HIVEP1: variants seen among roughly 807,000 people sequenced by gnomAD.
HIVEP1 encodes HIVEP zinc finger 1.
Under a neutral mutation model 180.0 loss-of-function variants are expected in HIVEP1, and 36 were observed. The observed-to-expected ratio is 0.20, with a 90% confidence interval of 0.15 to 0.26. The LOEUF (loss-of-function observed/expected upper bound fraction) is 0.26, where lower values mean the gene tolerates loss of function less well. Among genes scored for constraint, HIVEP1 ranks in the 10% least tolerant of loss-of-function variants. The pLI is 1.00. For missense variants in HIVEP1, 3,143 were observed against 3,268.7 expected, an observed-to-expected ratio of 0.96 and a Z score of 0.94; for synonymous variants, 1,239 against 1,239.0, an observed-to-expected ratio of 1.00 and a Z score of 0.00.
intron 2 of HIVEP1, among the ~76,000 whole-genome samples, chr6:12,042,310 T>G (rs1244850225): frequency 6.7e-6 from 1 of 149,420 alleles, no homozygotes; most frequent in South Asian, 2.1e-4. Flanking sequence ...CTCCATCTCC[T>G]GACCTCATGA....
At chr6:12,048,626 G>A (rs61102260) in intron 2 of HIVEP1, among the ~76,000 whole-genome samples, 5,071 of 152,232 alleles carry the variant, frequency 0.033, 277 homozygotes, top group African/African-American at 0.11. Context: ...ATTTAAGGGC[G>A]AATACAGAAT....
At chr6:12,018,614 A>T (rs1045773700) in intron 2 of HIVEP1, among the ~76,000 whole-genome samples, 4 of 152,202 alleles carry the variant, frequency 2.6e-5, no homozygotes, top group Non-Finnish European at 5.9e-5. Flanking sequence ...TTTTGTCCCC[A>T]TTGTAGGGGG....
chr6:12,165,968 TG>T (rs1334341797), downstream of HIVEP1, among the ~76,000 whole-genome samples: 1 of 152,232 alleles, frequency 6.6e-6, no homozygotes, highest in Non-Finnish European at 1.5e-5. Context: ...GGATCTGTGA[TG>T]CTTTAAATGA....
At chr6:12,086,812 C>T (rs144272600) in intron 2 of HIVEP1, among the ~76,000 whole-genome samples, 1 of 152,106 alleles carries the variant, frequency 6.6e-6, no homozygotes, top group East Asian at 1.9e-4. Flanking sequence ...TATTTTTTCT[C>T]TGTCACGGTG....
chr6:12,168,393 T>TAA (rs1197462715), downstream of HIVEP1, among the ~76,000 whole-genome samples: 1 of 139,764 alleles, frequency 7.2e-6, no homozygotes, highest in Non-Finnish European at 1.5e-5. Flanking sequence ...TGTATATATA[T>TAA]AATATTTTAT....
rs376672986 is a variant in HIVEP1, at chr6:12,120,832, C to T, written c.1037C>T (p.Thr346Ile). ...TCACCTTCCAGTAGATCTCAGGTTA[C>T]TCCTCAAAACCAGCAAATGGATTCT... ...LTSPSSRSQVTPQNQQMDSAS... is the reference protein window; with the variant it reads ...LTSPSSRSQVIPQNQQMDSAS... The change falls in exon 4 of 9, where the codon ACT becomes ATT. Residue 346 changes from threonine (T) to isoleucine (I), a missense_variant. Physicochemically the swap from Thr to Ile is moderately conservative, Grantham distance 89. Around this residue, in one of 12 missense-constraint regions of HIVEP1, gnomAD observed 306 missense variants for 310.6 expected, o/e 0.99. Transcript: ENST00000379388. 3 of 1,614,032 alleles carry T rather than the reference C, an allele frequency of 1.9e-6. No individual in the cohort carries two copies. The highest frequency in any genetic ancestry group is 2.2e-5 in the East Asian group (1 of 44,898).
intron 2 of HIVEP1, among the ~76,000 whole-genome samples, chr6:12,042,223 G>A (rs2113683660): frequency 6.7e-6 from 1 of 150,176 alleles, no homozygotes; most frequent in Non-Finnish European, 1.5e-5. Context: ...GGGACTACAG[G>A]CGCCCGCCAC....
chr6:12,113,608 A>T (rs1273391726), intron 3 of HIVEP1, among the ~76,000 whole-genome samples: 1 of 152,164 alleles, frequency 6.6e-6, no homozygotes, highest in African/African-American at 2.4e-5. Flanking sequence ...TTGCTAAGTG[A>T]ATTCCAGTCT....
intron 3 of HIVEP1, among the ~76,000 whole-genome samples, chr6:12,096,778 A>C (rs1773807213): frequency 6.6e-6 from 1 of 152,070 alleles, no homozygotes; most frequent in African/African-American, 2.4e-5. Flanking sequence ...ATACAAGGAC[A>C]TATTCTTGTA....
the HIVEP1 span, among the ~76,000 whole-genome samples, chr6:12,209,196 A>T: frequency 6.6e-6 from 1 of 152,172 alleles, no homozygotes; most frequent in Non-Finnish European, 1.5e-5. Flanking sequence ...CCTTGGTTTT[A>T]AAATTTTTCT....
chr6:12,172,359 C>T, the HIVEP1 span, among the ~76,000 whole-genome samples: 2 of 151,948 alleles, frequency 1.3e-5, no homozygotes, highest in African/African-American at 4.8e-5. Flanking sequence ...ACTGCATGCT[C>T]AGGTAAGGAT....
At chr6:12,054,523 A>C (rs1380592242) in intron 2 of HIVEP1, among the ~76,000 whole-genome samples, 1 of 152,232 alleles carries the variant, frequency 6.6e-6, no homozygotes, top group Non-Finnish European at 1.5e-5. Context: ...ATTTTAAAGC[A>C]CAGTTGGCAT....
Position 12,161,659 on chromosome 6 carries a change from T to C in HIVEP1, c.6708T>C (p.Asp2236=), listed in dbSNP as rs1760408016. The C allele has an allele frequency of 6.2e-7, 1 of 1,614,148 alleles. No individual in the cohort carries two copies. The highest frequency in any genetic ancestry group is 8.5e-7 in the Non-Finnish European group (1 of 1,180,030). The change falls in exon 8 of 9, where the codon GAT becomes GAC. Residue 2236 remains aspartate, a synonymous_variant. Coordinates refer to ENST00000379388, the MANE Select transcript of HIVEP1 (RefSeq NM_002114.4). ...VSTDEDVRIT[D]CFSGVHTDPM... is the part of the protein sequence containing the mutation. ...CTGACGAGGATGTCAGGATCACCGA[T>C]TGCTTTTCTGGGGTACACACGGACC...
intron 3 of HIVEP1, among the ~76,000 whole-genome samples, chr6:12,106,489 TTATTAA>T (rs1386182812): frequency 6.6e-6 from 1 of 152,162 alleles, no homozygotes; most frequent in African/African-American, 2.4e-5. Context: ...TTTAATATTT[TTATTAA>T]TATTAGTCGA....
intron 2 of HIVEP1, among the ~76,000 whole-genome samples, chr6:12,032,333 A>T (rs1037388086): frequency 2.0e-5 from 3 of 151,780 alleles, no homozygotes; most frequent in African/African-American, 2.4e-5. Flanking sequence ...TAGTAGAGAC[A>T]GGGTTTCACT....
chr6:12,040,978 C>T (rs1171592591), intron 2 of HIVEP1, among the ~76,000 whole-genome samples: 1 of 152,214 alleles, frequency 6.6e-6, no homozygotes, highest in Non-Finnish European at 1.5e-5. Flanking sequence ...TCCCCATGAT[C>T]CAGCCCCACC....
intron 4 of HIVEP1, among the ~76,000 whole-genome samples, chr6:12,126,498 G>C (rs1328947239): frequency 2.6e-5 from 4 of 152,122 alleles, no homozygotes; most frequent in Non-Finnish European, 4.4e-5. Context: ...TGTAACTTGG[G>C]GTAATTTGTG....
rs74786327 is a variant in HIVEP1 at position 12,088,726 on chromosome 6, A to G, written c.41-458A>G. ...GGATATAGACACTTTCTGCCATGCC[A>G]TATTTCAGCTCATCCTCGTCTCTGT... On this transcript the variant is annotated intron_variant, in intron 2 of 8. Coordinates refer to ENST00000379388, the MANE Select transcript of HIVEP1 (RefSeq NM_002114.4). 3.7e-3 allele frequency among the ~76,000 whole-genome samples: 558 copies of G among 152,058 alleles called. 6 individuals are homozygous for G. The highest frequency in any genetic ancestry group is 0.013 in the African/African-American group (532 of 41,534).
At position 12,163,411 on chromosome 6, in the gene HIVEP1, G is replaced by A. The variant is rs146730204; in HGVS notation, c.7107G>A (p.Pro2369=). The part of the protein sequence containing the change: ...QEQKQQITLQ[P]TPGLPSPHTH... ...AGAAGCAGCAAATAACTCTACAGCC[G>A]ACTCCAGGCTTGCCTTCTCCCCACA... The change falls in exon 9 of 9, where the codon CCG becomes CCA. Residue 2369 remains proline, a synonymous_variant. Coordinates refer to ENST00000379388, the MANE Select transcript of HIVEP1 (RefSeq NM_002114.4). 58 of 1,614,074 alleles carry A rather than the reference G, an allele frequency of 3.6e-5. No individual in the cohort carries two copies. The highest frequency in any genetic ancestry group is 1.3e-4 in the African/African-American group (10 of 75,004).
Sources: allele counts gnomAD v4.1 joint callset (sites outside exome capture counted in the v4.1 genomes callset), GRCh38; gene constraint gnomAD v4.1.1; regional missense constraint gnomAD v4.1.1; transcripts MANE v1.5; gene names NCBI Gene and HGNC (gene_info 2026-07-23, HGNC 2026-07-21).